Variants in TRPM7 observed in about 807,000 individuals in gnomAD.
TRPM7 encodes transient receptor potential cation channel subfamily M member 7, also known as LTRPC ion channel family member 7.
TRPM7 carries 134 observed loss-of-function variants against 229.7 expected under a neutral mutation model. The observed-to-expected ratio is 0.58, with a 90% CI of 0.51 to 0.67. TRPM7 has a LOEUF of 0.67. Among genes scored for constraint, TRPM7 ranks in the 30% least tolerant of loss-of-function variants. The pLI is 0.00. For missense variants in TRPM7, 1,901 were observed against 2,210.0 expected (o/e 0.86, Z 2.80); for synonymous variants, 699 against 715.2 (o/e 0.98, Z 0.36).
Position 50,558,317 on chromosome 15 carries a change from G to A in TRPM7, c.*3361C>T, listed in dbSNP as rs917003911. ...CTACCACTTTGGGAAGCTCAGGCGA[G>A]AGGATCACTTGAGCCCAGGAATTTG... is the stretch of plus-strand genomic sequence containing the variant. On this transcript the variant is annotated 3_prime_UTR_variant, in exon 39 of 39. Transcript: ENST00000646667. 1.3e-5 allele frequency: 2 copies of A among 152,544 alleles called. No individual in the cohort carries two copies. The highest frequency in any genetic ancestry group is 1.9e-4 in the East Asian group (1 of 5,200). The allele number at this position is 152,544 out of a possible 1,614,324, so 9.4% of individuals were successfully genotyped here.
intron 9 of TRPM7, among the ~76,000 whole-genome samples, chr15:50,632,319 G>T (rs1337296584): frequency 1.3e-5 from 2 of 151,772 alleles, no homozygotes; most frequent in African/African-American, 2.4e-5. Context: ...TAAAAATAAA[G>T]AAAAGAACGT....
rs1304262398 is a variant in TRPM7 at position 50,624,248 on chromosome 15, G to C, written c.1358C>G (p.Ala453Gly). Residue 453 changes from alanine to glycine, a missense_variant, in exon 12 of 39, where the codon GCA becomes GGA. Physicochemically the swap from Ala to Gly is moderately conservative, Grantham distance 60. Around this residue, in one of 8 missense-constraint regions of TRPM7, gnomAD observed 794 missense variants for 881.9 expected, o/e 0.90. Coordinates refer to ENST00000646667, the MANE Select transcript of TRPM7 (RefSeq NM_017672.6). ...ATTTTCAATAAGAAGTTTTACAAATGCAACTCTATCCATTACAAGAGCATC... is the reference window on the plus strand; with the variant it reads ...ATTTTCAATAAGAAGTTTTACAAATCCAACTCTATCCATTACAAGAGCATC... ...MLDALVMDRVAFVKLLIENGV... is the reference protein window; with the variant it reads ...MLDALVMDRVGFVKLLIENGV... The C allele has an allele frequency of 6.2e-7, 1 of 1,612,776 alleles. No individual in the cohort carries two copies. Among genetic ancestry groups the C allele is most frequent in the Non-Finnish European group, 8.5e-7 (1 of 1,179,364 alleles).
At chr15:50,596,200 A>G in intron 23 of TRPM7, 55 bp downstream of exon 23, 1 of 1,234,004 alleles carries the variant, frequency 8.1e-7, no homozygotes. Context: ...CCTTCAAAAT[A>G]TGTAGAATTG....
intron 4 of TRPM7, among the ~76,000 whole-genome samples, chr15:50,646,618 T>C (rs1253034256): frequency 1.3e-5 from 2 of 152,124 alleles, no homozygotes; most frequent in African/African-American, 2.4e-5. Flanking sequence ...AATAACTGTT[T>C]TAGGGGTTTA....
At chr15:50,669,429 T>C (rs1226571249) in intron 1 of TRPM7, among the ~76,000 whole-genome samples, 2 of 151,906 alleles carry the variant, frequency 1.3e-5, no homozygotes, top group Non-Finnish European at 2.9e-5. Flanking sequence ...AGTGAGACTC[T>C]GTCTCAAAAA....
intron 1 of TRPM7, among the ~76,000 whole-genome samples, chr15:50,682,979 C>A (rs1314602818): frequency 1.3e-5 from 2 of 151,722 alleles, no homozygotes; most frequent in Admixed American, 1.3e-4. Context: ...TCACTGCAAC[C>A]TCAAGCCATC....
At chr15:50,650,004 G>A (rs558741800) in intron 3 of TRPM7, among the ~76,000 whole-genome samples, 1 of 151,944 alleles carries the variant, frequency 6.6e-6, no homozygotes, top group East Asian at 1.9e-4. Flanking sequence ...ATACCATCCT[G>A]GCCAACATGG....
At chr15:50,615,961 A>G in intron 13 of TRPM7, among the ~76,000 whole-genome samples, 1 of 152,176 alleles carries the variant, frequency 6.6e-6, no homozygotes. Context: ...TATATCCTTT[A>G]AATCTCTAAT....
At chr15:50,614,372 T>G in intron 13 of TRPM7, 109 bp from the exon 14 acceptor site, 3 of 1,094,652 alleles carry the variant, frequency 2.7e-6, no homozygotes, top group Non-Finnish European at 3.8e-6. Context: ...TTACTTCTTA[T>G]AAGAAGCAAG....
Position 50,612,824 on chromosome 15 carries a change from A to G in TRPM7, c.1776T>C (p.Asp592=), listed in dbSNP as rs770459253. 1 of 1,609,058 alleles carries G rather than the reference A, an allele frequency of 6.2e-7. No homozygotes were observed. The part of the protein sequence containing the change: ...KTAQPYRPKI[D]TVMEEGKKKR... ...TCTTCTTTCCTTCTTCCATAACTGT[A>G]TCAATCTTCCAGGGAAAATAAAGTT... The change falls in exon 16 of 39, where the codon GAT becomes GAC. Residue 592 remains aspartate (D), a synonymous_variant. Coordinates refer to ENST00000646667, the MANE Select transcript of TRPM7 (RefSeq NM_017672.6).
intron 7 of TRPM7, among the ~76,000 whole-genome samples, chr15:50,635,142 C>T (rs1416731483): frequency 1.3e-5 from 2 of 151,076 alleles, no homozygotes; most frequent in South Asian, 2.1e-4. Context: ...ACAGTGAAAC[C>T]CTGTCTCTAC....
intron 19 of TRPM7, 106 bp downstream of exon 19, chr15:50,609,475 C>A: frequency 2.7e-6 from 3 of 1,113,030 alleles, no homozygotes; most frequent in Non-Finnish European, 2.5e-6. Flanking sequence ...TGTGAAATGC[C>A]TTTTCAGTGA....
At chr15:50,570,632 C>G (rs1424931002) in intron 36 of TRPM7, among the ~76,000 whole-genome samples, 1 of 142,462 alleles carries the variant, frequency 7.0e-6, no homozygotes, top group African/African-American at 2.6e-5. Flanking sequence ...CACCTGAGGT[C>G]AGGAGTTCGA....
chr15:50,600,304 G>A (rs2059744040), intron 21 of TRPM7, among the ~76,000 whole-genome samples: 1 of 152,050 alleles, frequency 6.6e-6, no homozygotes, highest in South Asian at 2.1e-4. Flanking sequence ...GGGCGTGGCG[G>A]CACACTCCTG....
rs750980491 is a variant in TRPM7 at position 50,583,131 on chromosome 15, G to A, written c.4515C>T (p.Thr1505=). 51 of 1,606,468 alleles carry A rather than the reference G, an allele frequency of 3.2e-5. No individual in the cohort carries two copies. In the South Asian group the frequency reaches 4.3e-4, roughly 13 times the overall value. ...QAEKISRRPS[T]EDTHEVDSKA... ...TGGAATCTACTTCATGAGTGTCTTC[G>A]GTAGATGGCCTTCTACTGATTTTTT... Residue 1505 remains threonine, a synonymous_variant, in exon 29 of 39, where the codon ACC becomes ACT. Transcript: ENST00000646667.
intron 12 of TRPM7, among the ~76,000 whole-genome samples, chr15:50,622,541 G>T (rs2140563788): frequency 6.6e-6 from 1 of 152,246 alleles, no homozygotes; most frequent in South Asian, 2.1e-4. Flanking sequence ...GTCCACTAGG[G>T]ACAGTAAAAT....
intron 7 of TRPM7, among the ~76,000 whole-genome samples, chr15:50,635,697 C>T (rs1406175634): frequency 8.3e-6 from 1 of 120,062 alleles, no homozygotes; most frequent in African/African-American, 3.2e-5. Flanking sequence ...AAAAAGAGGA[C>T]GGCTGGGTAT....
chr15:50,657,483 T>C (rs1383578381), intron 3 of TRPM7, among the ~76,000 whole-genome samples: 1 of 152,138 alleles, frequency 6.6e-6, no homozygotes, highest in Non-Finnish European at 1.5e-5. Context: ...CATTCTGCAG[T>C]TTCCTGACAG....
chr15:50,680,255 A>G (rs142716040), intron 1 of TRPM7, among the ~76,000 whole-genome samples: 1 of 151,926 alleles, frequency 6.6e-6, no homozygotes, highest in Non-Finnish European at 1.5e-5. Context: ...AAATAAAAAT[A>G]AAATAAAATG....
Sources: allele counts gnomAD v4.1 joint callset (sites outside exome capture counted in the v4.1 genomes callset), GRCh38; gene constraint gnomAD v4.1.1; regional missense constraint gnomAD v4.1.1; transcripts MANE v1.5; gene names NCBI Gene and HGNC (gene_info 2026-07-23, HGNC 2026-07-21).